MDN1: variants seen among roughly 807,000 people sequenced by gnomAD.
MDN1 encodes the protein midasin.
A neutral mutation model predicts 669.2 loss-of-function variants in MDN1; 266 were observed. The ratio of observed to expected loss-of-function variants is 0.40; its 90% CI spans 0.36 to 0.44. The LOEUF is 0.44. Ranked by LOEUF, MDN1 falls within the 20% of genes least tolerant of loss-of-function variation. The pLI, the probability that MDN1 is intolerant of heterozygous loss-of-function variation, is 1.00. For synonymous variants in MDN1, 2,385 were observed against 2,457.1 expected (o/e 0.97, Z 0.87); for missense variants, 5,940 against 6,754.0 (o/e 0.88, Z 4.22).
chr6:89,696,726 T>G, intron 59 of MDN1, 152 bp from the exon 60 acceptor site: 1 of 612,600 alleles, frequency 1.6e-6, no homozygotes, highest in Non-Finnish European at 2.9e-6. Context: ...ACAGAACAGG[T>G]TAGTATACCT....
chr6:89,798,181 C>CAAAAAAAAAAAAA (rs10706907), intron 2 of MDN1, among the ~76,000 whole-genome samples: 1 of 71,510 alleles, frequency 1.4e-5, no homozygotes, highest in Non-Finnish European at 2.6e-5. Flanking sequence ...GACTCTGTCT[C>CAAAAAAAAAAAAA]AAAAAAAAAA....
chr6:89,675,897 G>T, intron 77 of MDN1: 1 of 549,684 alleles, frequency 1.8e-6, no homozygotes, highest in Non-Finnish European at 3.2e-6. Flanking sequence ...TGTCCTGCTG[G>T]CAAGTGTAAC....
At chr6:89,720,049 A>G (rs1814708010) in intron 40 of MDN1, among the ~76,000 whole-genome samples, 1 of 152,206 alleles carries the variant, frequency 6.6e-6, no homozygotes, top group Non-Finnish European at 1.5e-5. Flanking sequence ...AAAGTATACA[A>G]AATAGTATTT....
At chr6:89,669,133 T>A (rs1014184713) in intron 83 of MDN1, among the ~76,000 whole-genome samples, 2 of 152,180 alleles carry the variant, frequency 1.3e-5, no homozygotes, top group African/African-American at 4.8e-5. Flanking sequence ...ATTCTGCACA[T>A]ATCAGAACCA....
rs1819180807 is a variant in MDN1, at chr6:89,790,240, A to G, written c.1017T>C (p.Val339=). ...TACCTGTCACTGCAGCTAAATATTC[A>G]ACTAAGGAAGTTTTGCCACATCCTA... ...GPIGCGKTSL[V]EYLAAVTGRT... The change falls in exon 6 of 102, where the codon GTT becomes GTC. Residue 339 remains valine (V), a synonymous_variant. Coordinates refer to ENST00000369393, the MANE Select transcript of MDN1 (RefSeq NM_014611.3). The G allele has an allele frequency of 6.2e-7, 1 of 1,614,166 alleles. No individual in the cohort carries two copies. The highest frequency in any genetic ancestry group is 8.5e-7 in the Non-Finnish European group (1 of 1,180,014).
At chr6:89,712,953 TAAAA>T (rs5878107) in intron 47 of MDN1, among the ~76,000 whole-genome samples, 167 bp from the exon 48 acceptor site, 1 of 146,466 alleles carries the variant, frequency 6.8e-6, no homozygotes. Flanking sequence ...CATGTAAGTT[TAAAA>T]AAAAAAAAAA....
chr6:89,662,746 T>A (rs1809889752), intron 86 of MDN1, 46 bp downstream of exon 86: 1 of 1,598,328 alleles, frequency 6.3e-7, no homozygotes, highest in Admixed American at 1.7e-5. Context: ...TGTGGGCAGA[T>A]TACCTCCTCT....
chr6:89,786,924 CAAAAAAA>C (rs35077997), intron 8 of MDN1, among the ~76,000 whole-genome samples: 188 of 76,586 alleles, frequency 2.5e-3, no homozygotes, highest in African/African-American at 1.0e-2. Context: ...GACTCCATCT[CAAAAAAA>C]AAAAAAAAAA....
chr6:89,674,088 A>C lies in MDN1; in HGVS notation c.13247+16T>G. On this transcript the variant is annotated intron_variant, in intron 79 of 101. Coordinates refer to ENST00000369393, the MANE Select transcript of MDN1 (RefSeq NM_014611.3). ...CCTAAGCACACAGAGAAGTGTAAAG[A>C]CATAGACACACTTACCAAGAATGAA... The C allele has an allele frequency of 6.2e-7, 1 of 1,612,322 alleles. No individual in the cohort carries two copies. The highest frequency in any genetic ancestry group is 8.5e-7 in the Non-Finnish European group (1 of 1,178,896).
At chr6:89,699,188 G>A (rs1278517523) in intron 58 of MDN1, among the ~76,000 whole-genome samples, 153 bp from the exon 59 acceptor site, 13 of 152,082 alleles carry the variant, frequency 8.5e-5, no homozygotes, top group Admixed American at 7.9e-4. Flanking sequence ...AGTCAACTTG[G>A]TCAAGGAATG....
chr6:89,781,611 AAAG>A lies in MDN1; in HGVS notation c.1450-22_1450-20del. The A allele has an allele frequency of 6.5e-7, 1 of 1,541,646 alleles. No homozygotes were observed. Among genetic ancestry groups the A allele is most frequent in the South Asian group, 1.2e-5 (1 of 81,682 alleles). On this transcript the variant is annotated intron_variant, in intron 9 of 101. Coordinates refer to ENST00000369393, the MANE Select transcript of MDN1 (RefSeq NM_014611.3). ...GAAGAACCTGACAGAGGGGGAAAAA[AAAG>A]AAAATTTAACAGCCAGCATGGTAAT... is the stretch of plus-strand genomic sequence containing the variant.
intron 51 of MDN1, 54 bp from the exon 52 acceptor site, chr6:89,707,530 A>G (rs888586647): frequency 9.0e-7 from 1 of 1,108,048 alleles, no homozygotes; most frequent in African/African-American, 1.5e-5. Context: ...TAACATTTTC[A>G]ATCATATCCT....
At chr6:89,671,138 C>A in intron 82 of MDN1, 58 bp from the exon 83 acceptor site, 1 of 1,550,824 alleles carries the variant, frequency 6.4e-7, no homozygotes, top group South Asian at 1.2e-5. Context: ...ACCAGGTTTC[C>A]ATTCTGGAAC....
At chr6:89,747,591 T>A in intron 26 of MDN1, 121 bp from the exon 27 acceptor site, 1 of 1,176,562 alleles carries the variant, frequency 8.5e-7, no homozygotes, top group South Asian at 1.6e-5. Flanking sequence ...TTCATTCCAC[T>A]GAATAAGATT....
At chr6:89,699,923 G>T in intron 57 of MDN1, 140 bp downstream of exon 57, 2 of 1,120,058 alleles carry the variant, frequency 1.8e-6, no homozygotes, top group Non-Finnish European at 2.5e-6. Context: ...ATAAATTTTG[G>T]CTTTCCAAAG....
chr6:89,709,870 C>A (rs969450867), intron 50 of MDN1, among the ~76,000 whole-genome samples: 3 of 152,142 alleles, frequency 2.0e-5, no homozygotes, highest in Admixed American at 6.5e-5. Context: ...ATGTCTATTT[C>A]TGTTATCACT....
At chr6:89,790,127 C>G (rs763333834) in intron 6 of MDN1, 32 bp downstream of exon 6, 38 of 1,613,130 alleles carry the variant, frequency 2.4e-5, no homozygotes, top group Non-Finnish European at 3.1e-5. Flanking sequence ...ACAAGCATGA[C>G]AAGCCACCAA....
intron 89 of MDN1, 24 bp from the exon 90 acceptor site, chr6:89,658,394 G>C (rs1359206942): frequency 1.9e-6 from 3 of 1,613,484 alleles, no homozygotes; most frequent in African/African-American, 1.3e-5. Flanking sequence ...ATCAAACACA[G>C]CATTAAATGC....
In MDN1 at chr6:89,662,195, G is replaced by A. The variant is rs1271930997; in HGVS notation, c.14457C>T (p.Gly4819=). The A allele has an allele frequency of 6.2e-7, 1 of 1,613,470 alleles. No individual in the cohort carries two copies. Among genetic ancestry groups the A allele is most frequent in the South Asian group, 1.1e-5 (1 of 90,958 alleles). The change falls in exon 87 of 102, where the codon GGC becomes GGT. Residue 4819 remains glycine (G), a synonymous_variant. Coordinates refer to ENST00000369393, the MANE Select transcript of MDN1 (RefSeq NM_014611.3). ...LVAKDDNLDS[G]NSNKDKSQQD... is the part of the protein sequence containing the mutation. ...GCTGGCTTTTATCTTTGTTTGAATT[G>A]CCACTATCCAAGTTGTCATCTTTAG... is the stretch of plus-strand genomic sequence containing the variant.
Sources: gnomAD v4.1 joint callset for allele counts (sites outside exome capture counted in the v4.1 genomes callset) on GRCh38, gnomAD v4.1.1 for gene constraint, MANE v1.5 for transcripts, NCBI Gene and HGNC (gene_info 2026-07-23, HGNC 2026-07-21) for gene names.